The following GRIK2 variants were observed in gnomAD, a reference collection of about 807,000 sequenced individuals.
The protein encoded by GRIK2 is glutamate receptor ionotropic, kainate 2.
A neutral mutation model predicts 100.3 loss-of-function variants in GRIK2; 32 were observed. That is an observed-to-expected ratio of 0.32 (90% CI 0.24 to 0.43). The LOEUF is 0.43. Among genes scored for constraint, GRIK2 ranks in the 20% least tolerant of loss-of-function variants. GRIK2 has a pLI of 1.00. For missense variants in GRIK2, 843 were observed against 1,114.9 expected (o/e 0.76, Z 3.47); for synonymous variants, 417 against 389.4 (o/e 1.07, Z -0.83).
chr6:101,679,090 G>A (rs1057275080), intron 5 of GRIK2, among the ~76,000 whole-genome samples: 7 of 152,044 alleles, frequency 4.6e-5, no homozygotes, highest in African/African-American at 1.7e-4. Flanking sequence ...AACCTCACAA[G>A]GACATTCTAT....
intron 2 of GRIK2, among the ~76,000 whole-genome samples, chr6:101,437,482 T>C (rs1769790722): frequency 6.6e-6 from 1 of 152,148 alleles, no homozygotes. Flanking sequence ...TCTTTGTTGC[T>C]GTAGACTAAA....
At chr6:101,581,396 G>T (rs764864511) in intron 2 of GRIK2, among the ~76,000 whole-genome samples, 3 of 151,980 alleles carry the variant, frequency 2.0e-5, no homozygotes, top group Non-Finnish European at 2.9e-5. Context: ...AAGCTGAGGA[G>T]CAAGGAATCC....
chr6:101,409,061 G>A (rs544689903), intron 2 of GRIK2, among the ~76,000 whole-genome samples: 1 of 150,926 alleles, frequency 6.6e-6, no homozygotes, highest in African/African-American at 2.4e-5. Flanking sequence ...AATTCTCAAT[G>A]TTTTATGTTT....
rs77707596 is a variant in GRIK2 at position 101,898,063 on chromosome 6, T to G, written c.1748+8200T>G. Among the ~76,000 whole-genome samples the G allele has an allele frequency of 4.3e-3, 661 of 151,976 alleles. 8 individuals carry two copies. Among genetic ancestry groups the G allele is most frequent in the African/African-American group, 0.015 (628 of 41,538 alleles). The stretch of plus-strand genomic sequence containing the variant: ...CAGTAGCCAGATTATATTTGAGAAC[T>G]ATAAAGAGATTCATTTATTACCTTT... On this transcript the variant is annotated intron_variant, in intron 12 of 16. Coordinates refer to ENST00000369134, the MANE Select transcript of GRIK2 (RefSeq NM_021956.5).
intron 2 of GRIK2, among the ~76,000 whole-genome samples, chr6:101,576,007 G>A (rs1350008265): frequency 6.6e-6 from 1 of 151,910 alleles, no homozygotes; most frequent in East Asian, 1.9e-4. Flanking sequence ...AGATGTTTGA[G>A]TCTAGAATTT....
At chr6:101,564,956 T>C (rs1362588669) in intron 2 of GRIK2, among the ~76,000 whole-genome samples, 1 of 152,126 alleles carries the variant, frequency 6.6e-6, no homozygotes, top group East Asian at 1.9e-4. Flanking sequence ...CTCTCCCTCC[T>C]GCAATAGTCT....
intron 4 of GRIK2, among the ~76,000 whole-genome samples, chr6:101,649,676 T>A (rs553378207): frequency 2.5e-3 from 375 of 152,212 alleles, no homozygotes; most frequent in Non-Finnish European, 4.0e-3. Context: ...CTTGGAGATT[T>A]AAGATTATAG....
chr6:101,623,045 G>T (rs1780240750), intron 3 of GRIK2, among the ~76,000 whole-genome samples: 1 of 151,982 alleles, frequency 6.6e-6, no homozygotes, highest in South Asian at 2.1e-4. Flanking sequence ...GGCTTATAAA[G>T]TGTTTGTTCT....
intron 2 of GRIK2, among the ~76,000 whole-genome samples, chr6:101,603,959 T>A (rs1263610642): frequency 6.6e-6 from 1 of 151,608 alleles, no homozygotes; most frequent in Admixed American, 6.6e-5. Flanking sequence ...CAGAGTAGAT[T>A]TTAGTGGTGA....
chr6:101,436,800 T>A (rs1004106234), intron 2 of GRIK2, among the ~76,000 whole-genome samples: 9 of 150,824 alleles, frequency 6.0e-5, no homozygotes, highest in African/African-American at 1.2e-4. Context: ...TATTATTATT[T>A]TTTATTATTA....
intron 2 of GRIK2, among the ~76,000 whole-genome samples, chr6:101,403,345 A>C: frequency 6.6e-6 from 1 of 152,108 alleles, no homozygotes; most frequent in East Asian, 1.9e-4. Flanking sequence ...TTTTCTCTTA[A>C]AGACAAGCCA....
intron 14 of GRIK2, among the ~76,000 whole-genome samples, chr6:101,929,701 A>C (rs1292471056): frequency 6.6e-6 from 1 of 152,120 alleles, no homozygotes; most frequent in Admixed American, 6.5e-5. Context: ...CAACTTTGTA[A>C]AAATTTTTAT....
At chr6:101,849,402 G>A (rs565149648) in intron 10 of GRIK2, among the ~76,000 whole-genome samples, 1 of 152,184 alleles carries the variant, frequency 6.6e-6, no homozygotes, top group Non-Finnish European at 1.5e-5. Context: ...CCCTTAGGGG[G>A]AAATATGTTG....
intron 7 of GRIK2, among the ~76,000 whole-genome samples, chr6:101,699,169 C>G (rs754282703): frequency 6.6e-6 from 1 of 152,118 alleles, no homozygotes; most frequent in Non-Finnish European, 1.5e-5. Flanking sequence ...GAGTTACTGC[C>G]AGACCTGGGG....
chr6:101,408,771 C>A (rs193097229), intron 2 of GRIK2, among the ~76,000 whole-genome samples: 5 of 152,042 alleles, frequency 3.3e-5, no homozygotes, highest in Non-Finnish European at 5.9e-5. Context: ...AATTTCATAC[C>A]AGAACACCCT....
intron 2 of GRIK2, among the ~76,000 whole-genome samples, chr6:101,529,201 T>A (rs2518252): frequency 0.89 from 135,984 of 152,142 alleles, 60,925 homozygotes; most frequent in African/African-American, 0.94. Context: ...CAAAATATAG[T>A]TTACACAATT....
intron 14 of GRIK2, among the ~76,000 whole-genome samples, chr6:102,034,141 T>A (rs561919066): frequency 2.0e-5 from 3 of 151,320 alleles, no homozygotes; most frequent in Non-Finnish European, 4.4e-5. Flanking sequence ...AAGGTTTGCA[T>A]TTCTACCCGG....
intron 2 of GRIK2, among the ~76,000 whole-genome samples, chr6:101,455,355 G>C (rs534960830): frequency 9.2e-5 from 14 of 152,080 alleles, no homozygotes; most frequent in Non-Finnish European, 1.9e-4. Flanking sequence ...TCAAAACAAT[G>C]CTTCTTAAGT....
intron 2 of GRIK2, among the ~76,000 whole-genome samples, chr6:101,515,406 A>G (rs990363210): frequency 7.9e-5 from 12 of 152,116 alleles, no homozygotes; most frequent in African/African-American, 2.9e-4. Flanking sequence ...AAGAATAATG[A>G]TGTCTTTTCC....
Sources: allele counts gnomAD v4.1 joint callset (sites outside exome capture counted in the v4.1 genomes callset), GRCh38; gene constraint gnomAD v4.1.1; transcripts MANE v1.5; gene names NCBI Gene and HGNC (gene_info 2026-07-23, HGNC 2026-07-21).